GNA12: variants seen among roughly 807,000 people sequenced by gnomAD.
GNA12 encodes guanine nucleotide-binding protein subunit alpha-12.
Under a neutral mutation model 26.0 loss-of-function variants are expected in GNA12, and 9 were observed. The ratio of observed to expected loss-of-function variants is 0.35; its 90% CI spans 0.21 to 0.60. GNA12 has a LOEUF of 0.60. GNA12 is among the 20% of genes least tolerant of loss of function. The probability of loss-of-function intolerance (pLI) is 0.78; values close to 1 mark genes in which losing one functional copy is unlikely to be tolerated. For missense variants in GNA12, 405 were observed against 525.8 expected (o/e 0.77, Z 2.25); for synonymous variants, 264 against 219.6 (o/e 1.20, Z -1.79).
intron 1 of GNA12, among the ~76,000 whole-genome samples, chr7:2,838,050 A>G (rs1778889287): frequency 6.6e-6 from 1 of 152,136 alleles, no homozygotes; most frequent in Non-Finnish European, 1.5e-5. Context: ...TTAAAGCTGT[A>G]AAACATCAGG....
chr7:2,752,898 T>C (rs1335283678), intron 2 of GNA12, among the ~76,000 whole-genome samples: 1 of 152,168 alleles, frequency 6.6e-6, no homozygotes, highest in Non-Finnish European at 1.5e-5. Flanking sequence ...GTGTGTGTGG[T>C]TCCATGCACT....
At chr7:2,797,682 G>A (rs1202117771) in intron 1 of GNA12, among the ~76,000 whole-genome samples, 1 of 152,108 alleles carries the variant, frequency 6.6e-6, no homozygotes, top group Non-Finnish European at 1.5e-5. Context: ...TGAGTCAGAC[G>A]TAATGATGAC....
At chr7:2,748,496 C>T (rs865783533) in intron 2 of GNA12, among the ~76,000 whole-genome samples, 4 of 149,630 alleles carry the variant, frequency 2.7e-5, no homozygotes, top group Admixed American at 6.7e-5. Flanking sequence ...TTACACCTTA[C>T]ACAAAAATTA....
At chr7:2,778,807 G>C (rs1792142574) in intron 2 of GNA12, among the ~76,000 whole-genome samples, 1 of 152,160 alleles carries the variant, frequency 6.6e-6, no homozygotes, top group African/African-American at 2.4e-5. Context: ...AAAATGGTGA[G>C]AGTCCAGGGC....
intron 1 of GNA12, among the ~76,000 whole-genome samples, chr7:2,813,070 G>A (rs1793125818): frequency 6.6e-6 from 1 of 152,052 alleles, no homozygotes; most frequent in Non-Finnish European, 1.5e-5. Context: ...GGAATTACCG[G>A]CATTCACCAC....
At chr7:2,811,021 G>A (rs1225897645) in intron 1 of GNA12, among the ~76,000 whole-genome samples, 1 of 152,214 alleles carries the variant, frequency 6.6e-6, no homozygotes, top group East Asian at 1.9e-4. Flanking sequence ...TTTGGAGATG[G>A]CAAGTCCCAA....
intron 1 of GNA12, among the ~76,000 whole-genome samples, chr7:2,810,957 G>C (rs918568428): frequency 6.6e-6 from 1 of 152,114 alleles, no homozygotes; most frequent in African/African-American, 2.4e-5. Context: ...ACATGTGGAA[G>C]GAGGCCCTGG....
At chr7:2,833,846 A>G (rs1778753080) in intron 1 of GNA12, among the ~76,000 whole-genome samples, 1 of 152,178 alleles carries the variant, frequency 6.6e-6, no homozygotes, top group Non-Finnish European at 1.5e-5. Context: ...AGAGACTCTT[A>G]AAGGCCAGAA....
chr7:2,759,135 G>A (rs1443822871), intron 2 of GNA12, among the ~76,000 whole-genome samples: 1 of 144,394 alleles, frequency 6.9e-6, no homozygotes, highest in African/African-American at 2.6e-5. Flanking sequence ...GCAAAACACT[G>A]TCTCAAAATA....
intron 2 of GNA12, among the ~76,000 whole-genome samples, chr7:2,755,595 T>C (rs1481898432): frequency 6.6e-6 from 1 of 152,256 alleles, no homozygotes; most frequent in East Asian, 1.9e-4. Flanking sequence ...ATATGGATCT[T>C]GTATCCTGTA....
Position 2,775,515 on chromosome 7 carries a change from G to A in GNA12, c.525+19413C>T, listed in dbSNP as rs1484359905. On this transcript the variant is annotated intron_variant, in intron 2 of 3. Coordinates refer to ENST00000275364, the MANE Select transcript of GNA12 (RefSeq NM_007353.3). ...GCTCAGGAGGAACGTCGTGCCCAGT[G>A]TCTCGAAAAGGCCTGGAGCCGAAGC... The A allele has an allele frequency of 2.0e-5, 3 of 152,192 alleles. No individual in the cohort carries two copies. In the East Asian group the frequency reaches 5.8e-4, roughly 29 times the overall value. The allele number at this position is 152,192 out of a possible 1,614,324, so 9.4% of individuals were successfully genotyped here. A position where few individuals can be genotyped will look rare whatever the true frequency, so the allele number is the denominator to read the frequency against.
At chr7:2,763,862 G>A (rs1269610625) in intron 2 of GNA12, among the ~76,000 whole-genome samples, 2 of 152,226 alleles carry the variant, frequency 1.3e-5, no homozygotes, top group Non-Finnish European at 1.5e-5. Context: ...ATGGCTGGCA[G>A]AGAGCGAGGG....
At chr7:2,736,767 C>A (rs1790201673) in intron 2 of GNA12, among the ~76,000 whole-genome samples, 1 of 152,236 alleles carries the variant, frequency 6.6e-6, no homozygotes, top group African/African-American at 2.4e-5. Flanking sequence ...GCTCAGAACT[C>A]CGTCAGCACC....
At chr7:2,802,118 G>A (rs79749768) in intron 1 of GNA12, among the ~76,000 whole-genome samples, 82 of 151,964 alleles carry the variant, frequency 5.4e-4, no homozygotes, top group African/African-American at 1.7e-3. Context: ...AAATAAGAAC[G>A]ACAACTCATT....
At chr7:2,736,435 G>C (rs544920951) in intron 2 of GNA12, among the ~76,000 whole-genome samples, 51 of 121,730 alleles carry the variant, frequency 4.2e-4, no homozygotes, top group African/African-American at 1.4e-3. Flanking sequence ...CACCTGACAG[G>C]GGCCTGTCCC....
At chr7:2,736,081 G>T (rs1268991844) in intron 2 of GNA12, among the ~76,000 whole-genome samples, 1 of 152,194 alleles carries the variant, frequency 6.6e-6, no homozygotes, top group Non-Finnish European at 1.5e-5. Flanking sequence ...TCTTACAGCA[G>T]CAGCTCATTA....
rs1789845909 is a variant in GNA12 at position 2,730,727 on chromosome 7, A to G, written c.*454T>C. 6.2e-6 allele frequency: 1 copy of G among 160,582 alleles called. No individual in the cohort carries two copies. Among genetic ancestry groups the G allele is most frequent in the Non-Finnish European group, 1.4e-5 (1 of 72,698 alleles). 9.9% of individuals were successfully genotyped at this position (160,582 alleles called of 1,614,324 possible). A position where few individuals can be genotyped will look rare whatever the true frequency, so the allele number is the denominator to read the frequency against. ...GATCTCTACAAGCTACTGTTAGGCA[A>G]AGCTTTCAGGTTAGTCTGTCTCAGG... On this transcript the variant is annotated 3_prime_UTR_variant, in exon 4 of 4. Transcript: ENST00000275364.
chr7:2,738,798 G>A (rs1790344370), intron 2 of GNA12, among the ~76,000 whole-genome samples: 1 of 152,204 alleles, frequency 6.6e-6, no homozygotes, highest in South Asian at 2.1e-4. Flanking sequence ...GTTAGAGGCG[G>A]AACCTAGAAT....
At chr7:2,790,509 A>C (rs984905961) in intron 2 of GNA12, among the ~76,000 whole-genome samples, 1 of 152,246 alleles carries the variant, frequency 6.6e-6, no homozygotes, top group African/African-American at 2.4e-5. Flanking sequence ...TGACTTCAGC[A>C]CAGGGCCTGG....
Sources: gnomAD v4.1 joint callset for allele counts (sites outside exome capture counted in the v4.1 genomes callset) on GRCh38, gnomAD v4.1.1 for gene constraint, MANE v1.5 for transcripts, NCBI Gene and HGNC (gene_info 2026-07-23, HGNC 2026-07-21) for gene names.